Variants in STARD13 observed in about 807,000 individuals in gnomAD.
The protein encoded by STARD13 is stAR-related lipid transfer protein 13.
In STARD13, 62 loss-of-function variants were observed where a neutral mutation model predicts 106.4. That is an observed-to-expected ratio of 0.58 (90% CI 0.48 to 0.72). STARD13 has a LOEUF of 0.72. STARD13 is among the 30% of genes least tolerant of loss of function. The pLI, the probability that STARD13 is intolerant of heterozygous loss-of-function variation, is 0.00. For synonymous variants in STARD13, 565 were observed against 553.0 expected (o/e 1.02, Z -0.31); for missense variants, 1,387 against 1,424.0 (o/e 0.97, Z 0.42).
rs1387567859 is a variant in STARD13 at position 33,309,319 on chromosome 13, T to C, written c.124+40971A>G. Among the ~76,000 whole-genome samples the C allele has an allele frequency of 6.6e-5, 10 of 152,046 alleles. 1 individual carries two copies. The highest frequency in any genetic ancestry group is 5.2e-4 in the Admixed American group (8 of 15,260). On this transcript the variant is annotated intron_variant, in intron 1 of 5. Coordinates refer to the STARD13 transcript ENST00000567873. ...ATTAGCGAGTTGAGGACGCAAGCAA[T>C]ATATCCAGGGCCCAGAGAAAGCGGC...
At chr13:33,123,521 GAATAGGTAT>G (rs1289230033) in intron 7 of STARD13, among the ~76,000 whole-genome samples, 2 of 152,162 alleles carry the variant, frequency 1.3e-5, no homozygotes, top group African/African-American at 4.8e-5. Flanking sequence ...TATTCATCAG[GAATAGGTAT>G]AATCTATTCT....
the STARD13 span, among the ~76,000 whole-genome samples, chr13:33,460,383 C>A: frequency 2.6e-5 from 4 of 151,002 alleles, no homozygotes; most frequent in African/African-American, 9.7e-5. Flanking sequence ...CCTAGGTACT[C>A]GGGAGGCTGA....
At chr13:33,436,100 C>T in the STARD13 span, among the ~76,000 whole-genome samples, 124 of 152,278 alleles carry the variant, frequency 8.1e-4, no homozygotes, top group African/African-American at 3.0e-3. Context: ...GTAATTATAG[C>T]TCTTGGAGGA....
chr13:33,163,953 T>A (rs1276820918), intron 3 of STARD13, among the ~76,000 whole-genome samples: 1 of 152,000 alleles, frequency 6.6e-6, no homozygotes, highest in Non-Finnish European at 1.5e-5. Flanking sequence ...AGGAGGAATC[T>A]GCTCCTGCTT....
At chr13:33,630,858 A>G in the STARD13 span, among the ~76,000 whole-genome samples, 1 of 152,182 alleles carries the variant, frequency 6.6e-6, no homozygotes, top group East Asian at 1.9e-4. Flanking sequence ...TGCAAGAAAG[A>G]CATTTGTTTC....
chr13:33,442,768 C>T, the STARD13 span, among the ~76,000 whole-genome samples: 1 of 152,208 alleles, frequency 6.6e-6, no homozygotes, highest in South Asian at 2.1e-4. Flanking sequence ...GGCATAGGGG[C>T]CCTCATTTCC....
chr13:33,218,430 C>A (rs560211427), intron 1 of STARD13, among the ~76,000 whole-genome samples: 1 of 152,230 alleles, frequency 6.6e-6, no homozygotes, highest in Non-Finnish European at 1.5e-5. Flanking sequence ...CACTGGAACA[C>A]TCTGCATGTA....
chr13:33,288,838 A>G (rs1390980328), upstream of STARD13, among the ~76,000 whole-genome samples: 3 of 152,232 alleles, frequency 2.0e-5, no homozygotes, highest in Non-Finnish European at 4.4e-5. Flanking sequence ...ACTATATTTA[A>G]AGCAAATATG....
At chr13:33,201,353 T>C (rs143050583) in intron 1 of STARD13, among the ~76,000 whole-genome samples, 202 of 152,352 alleles carry the variant, frequency 1.3e-3, no homozygotes, top group African/African-American at 4.5e-3. Context: ...ACTGACTACA[T>C]GAACCTATTT....
the STARD13 span, among the ~76,000 whole-genome samples, chr13:33,613,531 G>A: frequency 2.0e-5 from 3 of 152,326 alleles, no homozygotes; most frequent in East Asian, 5.8e-4. Context: ...CCAGAGGAAG[G>A]GCGAATGGCA....
the STARD13 span, among the ~76,000 whole-genome samples, chr13:33,554,239 G>A: frequency 4.6e-5 from 7 of 152,122 alleles, no homozygotes; most frequent in Non-Finnish European, 1.0e-4. Flanking sequence ...TCAAAATGTG[G>A]TATGTATCAA....
At position 33,252,870 on chromosome 13, in the gene STARD13, T is replaced by G. The variant is rs555343800; in HGVS notation, c.169+32600A>C. Among the ~76,000 whole-genome samples the G allele has an allele frequency of 3.7e-3, 569 of 152,298 alleles. 1 individual carries two copies. The highest frequency in any genetic ancestry group is 6.2e-3 in the Non-Finnish European group (421 of 68,032). ...GTAAAGGATGAAAATGTGTTGCCTT[T>G]GCCTGAGAATGTTAGAGAGCTGGTG... On this transcript the variant is annotated intron_variant, in intron 1 of 13. Coordinates refer to ENST00000336934, the MANE Select transcript of STARD13 (RefSeq NM_178006.4).
the STARD13 span, among the ~76,000 whole-genome samples, chr13:33,636,157 A>G: frequency 6.6e-6 from 1 of 151,690 alleles, no homozygotes; most frequent in Non-Finnish European, 1.5e-5. Flanking sequence ...AAAAAAAAAA[A>G]AAAAGCACAT....
chr13:33,363,476 C>T, the STARD13 span, among the ~76,000 whole-genome samples: 1 of 152,204 alleles, frequency 6.6e-6, no homozygotes, highest in East Asian at 1.9e-4. Context: ...GGGTCTGGTT[C>T]CTGTTTTCCA....
At chr13:33,571,133 A>T in the STARD13 span, among the ~76,000 whole-genome samples, 3 of 152,238 alleles carry the variant, frequency 2.0e-5, no homozygotes, top group African/African-American at 7.2e-5. Context: ...TTTACTGGGC[A>T]TGTGTCAGAC....
chr13:33,642,840 TA>T, the STARD13 span, among the ~76,000 whole-genome samples: 7,110 of 106,580 alleles, frequency 0.067, 253 homozygotes, highest in African/African-American at 0.12. Flanking sequence ...AAACAAACAT[TA>T]AAAAAAAAAA....
chr13:33,272,631 C>A (rs1891218725), intron 1 of STARD13: 3 of 152,144 alleles, frequency 2.0e-5, no homozygotes, highest in Admixed American at 2.0e-4. Flanking sequence ...GCCTGGGCCT[C>A]TGGGTGCAGC....
chr13:33,268,058 G>T (rs1049949016), intron 1 of STARD13, among the ~76,000 whole-genome samples: 3 of 152,142 alleles, frequency 2.0e-5, no homozygotes, highest in African/African-American at 7.2e-5. Context: ...ATTATCAAAG[G>T]TTAGACACGC....
chr13:33,262,682 C>CAG lies in STARD13; in HGVS notation c.169+22787_169+22788insCT, dbSNP rs71827104. Among the ~76,000 whole-genome samples the CAG allele has an allele frequency of 4.6e-3, 682 of 148,738 alleles. 4 individuals carry two copies. The highest frequency in any genetic ancestry group is 0.012 in the African/African-American group (475 of 40,368). On this transcript the variant is annotated intron_variant, in intron 1 of 13. Coordinates refer to ENST00000336934, the MANE Select transcript of STARD13 (RefSeq NM_178006.4). ...CACACAACACACACACACACACACA[C>CAG]ACACACACCCTGTACTCTAGTTTTT...
Sources: gnomAD v4.1 joint callset for allele counts (sites outside exome capture counted in the v4.1 genomes callset) on GRCh38, gnomAD v4.1.1 for gene constraint, MANE v1.5 for transcripts, NCBI Gene and HGNC (gene_info 2026-07-23, HGNC 2026-07-21) for gene names.